RIN2: variants seen among roughly 807,000 people sequenced by gnomAD.
RIN2 encodes RAB5 interacting protein 2.
A neutral mutation model predicts 78.0 loss-of-function variants in RIN2; 36 were observed. The observed-to-expected ratio is 0.46, with a 90% CI of 0.35 to 0.61. The LOEUF (loss-of-function observed/expected upper bound fraction) is 0.61. Among genes scored for constraint, RIN2 ranks in the 20% least tolerant of loss-of-function variants. RIN2 has a pLI of 0.00. For synonymous variants in RIN2, 466 were observed against 466.8 expected (o/e 1.00, Z 0.02); for missense variants, 1,087 against 1,159.7 (o/e 0.94, Z 0.91).
At chr20:19,889,786 C>T (rs959863099) in intron 3 of RIN2, 128 bp downstream of exon 3, 32 of 647,696 alleles carry the variant, frequency 4.9e-5, no homozygotes, top group African/African-American at 2.6e-4. Context: ...GGAGCTTGCC[C>T]GAGCCCAGCT....
intron 9 of RIN2, among the ~76,000 whole-genome samples, chr20:19,978,904 G>A (rs916159643): frequency 1.3e-5 from 2 of 152,176 alleles, no homozygotes; most frequent in Admixed American, 6.5e-5. Flanking sequence ...ACCTCTTCAC[G>A]GACAGTGTGC....
At chr20:19,935,426 C>T (rs1600858941) in intron 4 of RIN2, 2 of 1,276,036 alleles carry the variant, frequency 1.6e-6, no homozygotes, top group Non-Finnish European at 2.0e-6. Context: ...CTCTCAATTC[C>T]TCCTGGCACC....
In RIN2 at chr20:19,787,443, AAAAG is replaced by A. The variant is rs1176499236; in HGVS notation, c.-162-12177_-162-12174del. On this transcript the variant is annotated intron_variant, in intron 1 of 12. Coordinates refer to ENST00000255006, the MANE Select transcript of RIN2 (RefSeq NM_018993.4). Reference sequence around the variant, plus strand: ...ATCTTAAAAAAAAAAAAAAAAAAAAAAAAGAGAGAGAGAGAGAGAAATGACCTCA... The same window carrying A: ...ATCTTAAAAAAAAAAAAAAAAAAAAAAGAGAGAGAGAGAGAAATGACCTCA... Among the ~76,000 whole-genome samples the A allele has an allele frequency of 3.0e-4, 45 of 150,922 alleles. 1 individual carries two copies. The highest frequency in any genetic ancestry group is 2.8e-4 in the Non-Finnish European group (19 of 67,716).
intron 3 of RIN2, among the ~76,000 whole-genome samples, chr20:19,914,256 G>T (rs2039590859): frequency 6.6e-6 from 1 of 152,144 alleles, no homozygotes. Flanking sequence ...CCTTTTGGGG[G>T]ATAGAAATAA....
In RIN2 at chr20:19,832,164, T is replaced by G. The variant is rs1391618874; in HGVS notation, c.-37+32417T>G. Among the ~76,000 whole-genome samples the G allele has an allele frequency of 2.0e-5, 3 of 151,632 alleles. No individual in the cohort carries two copies. In the East Asian group the frequency reaches 5.8e-4, roughly 29 times the overall value. The stretch of plus-strand genomic sequence containing the variant: ...CTGTGCTCTCTAATCCATCACTAAA[T>G]TTCTAAGCCAGTGGCTGAGCCCAGT... On this transcript the variant is annotated intron_variant, in intron 2 of 12. Coordinates refer to ENST00000255006, the MANE Select transcript of RIN2 (RefSeq NM_018993.4).
At chr20:19,865,488 CTTT>C (rs58947389) in intron 2 of RIN2, among the ~76,000 whole-genome samples, 4 of 135,854 alleles carry the variant, frequency 2.9e-5, no homozygotes, top group Non-Finnish European at 3.1e-5. Context: ...TACTTTCTTT[CTTT>C]TTTTTTTTTT....
chr20:19,904,236 AAAAAATATATATATATATATATAT>A (rs1189988297), intron 3 of RIN2, among the ~76,000 whole-genome samples: 1 of 95,506 alleles, frequency 1.0e-5, no homozygotes, highest in East Asian at 3.2e-4. Context: ...CGTCTCAAAA[AAAAAATATATATATATATATATAT>A]AAAATATATA....
intron 2 of RIN2, among the ~76,000 whole-genome samples, chr20:19,864,812 T>C (rs1301032888): frequency 6.6e-6 from 1 of 152,206 alleles, no homozygotes; most frequent in African/African-American, 2.4e-5. Context: ...CAAACCATCA[T>C]CTTTGGAGTT....
chr20:19,969,617 T>C (rs367953635), intron 7 of RIN2, among the ~76,000 whole-genome samples: 159 of 152,350 alleles, frequency 1.0e-3, no homozygotes, highest in African/African-American at 3.6e-3. Context: ...CGGTATCCCC[T>C]GACATGGAGC....
chr20:19,853,351 A>C (rs925006482), intron 2 of RIN2, among the ~76,000 whole-genome samples: 1 of 152,108 alleles, frequency 6.6e-6, no homozygotes, highest in Non-Finnish European at 1.5e-5. Context: ...ATACGTGTGC[A>C]TGTGTCTTTA....
upstream of RIN2, chr20:19,757,754 GC>G (rs2033429580): frequency 6.6e-6 from 1 of 152,318 alleles, no homozygotes; most frequent in Non-Finnish European, 1.5e-5. Flanking sequence ...GCGCGTTTGT[GC>G]TAAAACAAGA....
At chr20:19,872,676 C>A (rs1395446015) in intron 2 of RIN2, among the ~76,000 whole-genome samples, 1 of 152,142 alleles carries the variant, frequency 6.6e-6, no homozygotes, top group Non-Finnish European at 1.5e-5. Context: ...GCTCTGGTGG[C>A]CCCCAGCTAT....
intron 3 of RIN2, among the ~76,000 whole-genome samples, chr20:19,898,788 G>T (rs571630578): frequency 6.6e-6 from 1 of 152,100 alleles, no homozygotes; most frequent in Non-Finnish European, 1.5e-5. Context: ...GTTAAATCAC[G>T]TGCCAGCATG....
chr20:19,941,000 T>C (rs1348575451), intron 4 of RIN2, among the ~76,000 whole-genome samples: 10 of 152,212 alleles, frequency 6.6e-5, no homozygotes, highest in Admixed American at 6.5e-4. Context: ...TCCACTCTCC[T>C]GTAGCTGTCA....
chr20:19,820,109 T>C (rs2035884367), intron 2 of RIN2, among the ~76,000 whole-genome samples: 1 of 152,198 alleles, frequency 6.6e-6, no homozygotes. Flanking sequence ...AAAATGTGTC[T>C]CTAATATTCT....
In RIN2 at chr20:19,990,061, C is replaced by T. The variant is rs2076584; in HGVS notation, c.1818C>T (p.His606=). The T allele has an allele frequency of 0.33, 523,551 of 1,596,974 alleles. 92,739 individuals are homozygous for T. Among genetic ancestry groups the T allele is most frequent in the East Asian group, 0.74 (32,719 of 44,258 alleles). ...GCATCTTGAAGCCCCTCAAGGGGCA[C>T]GTGGAGGCCATGCTGAAGGACTTTC... ...HKCILKPLKG[H]VEAMLKDFHM... Residue 606 remains histidine, a synonymous_variant, in exon 10 of 13, where the codon CAC becomes CAT. Transcript: ENST00000255006.
intron 2 of RIN2, among the ~76,000 whole-genome samples, chr20:19,830,675 G>A (rs1415019140): frequency 2.0e-5 from 3 of 152,242 alleles, no homozygotes; most frequent in Non-Finnish European, 4.4e-5. Flanking sequence ...AGTATCATTA[G>A]CATGGTGGAC....
intron 8 of RIN2, 112 bp from the exon 9 acceptor site, chr20:19,974,542 A>G (rs900743401): frequency 2.8e-6 from 3 of 1,077,848 alleles, no homozygotes; most frequent in Non-Finnish European, 4.0e-6. Flanking sequence ...CGCACCCCCT[A>G]CCCCACCCCG....
intron 8 of RIN2, among the ~76,000 whole-genome samples, chr20:19,971,609 T>C (rs1425072889): frequency 2.0e-5 from 3 of 152,178 alleles, no homozygotes; most frequent in Non-Finnish European, 4.4e-5. Flanking sequence ...AAAAGATGTA[T>C]GTATTCCTCC....
Sources: allele counts gnomAD v4.1 joint callset (sites outside exome capture counted in the v4.1 genomes callset), GRCh38; gene constraint gnomAD v4.1.1; transcripts MANE v1.5; gene names NCBI Gene and HGNC (gene_info 2026-07-23, HGNC 2026-07-21).